The following AIRIM variants were observed in gnomAD, a reference collection of about 807,000 sequenced individuals.
AIRIM encodes the protein AFG2-interacting ribosome maturation factor.
chr1:37,682,345 T>C, the AIRIM span: 1 of 152,472 alleles, frequency 6.6e-6, no homozygotes, highest in Non-Finnish European at 1.5e-5. Flanking sequence ...CTTGGAAATG[T>C]AACCCCGATG....
the AIRIM span, chr1:37,681,634 T>C: frequency 6.6e-6 from 1 of 152,232 alleles, no homozygotes; most frequent in Non-Finnish European, 1.5e-5. Flanking sequence ...GAAAAATAAA[T>C]ACACATTATT....
the AIRIM span, chr1:37,690,163 C>A: frequency 1.7e-6 from 2 of 1,158,852 alleles, no homozygotes; most frequent in East Asian, 3.8e-5. Context: ...AATACAGGTG[C>A]CCGCCAACAC....
At chr1:37,686,476 G>A in the AIRIM span, 2 of 1,606,012 alleles carry the variant, frequency 1.2e-6, no homozygotes, top group Non-Finnish European at 1.7e-6. Context: ...TCTGACATTA[G>A]GCAATATCAT....
chr1:37,690,344 C>G, the AIRIM span: 1 of 1,290,210 alleles, frequency 7.8e-7, no homozygotes, highest in South Asian at 1.2e-5. Flanking sequence ...CTGGATAGGG[C>G]AGTCTCCTGC....
chr1:37,690,454 A>G, the AIRIM span: 3 of 1,263,526 alleles, frequency 2.4e-6, no homozygotes, highest in Non-Finnish European at 3.1e-6. Flanking sequence ...AAAGCGGAAA[A>G]ACTTAAAAGT....
At chr1:37,691,893 C>G in the AIRIM span, 1 of 152,496 alleles carries the variant, frequency 6.6e-6, no homozygotes, top group Non-Finnish European at 1.5e-5. Context: ...GTTCCCCCCA[C>G]TCGCTGCCCA....
the AIRIM span, among the ~76,000 whole-genome samples, chr1:37,685,356 C>T: frequency 6.6e-6 from 1 of 150,512 alleles, no homozygotes. Flanking sequence ...ACTATAGCTG[C>T]ACACCATCAT....
the AIRIM span, chr1:37,683,521 C>T: frequency 0.26 from 380,802 of 1,482,908 alleles, 52,013 homozygotes; most frequent in African/African-American, 0.4. Context: ...CAGAGGGAGC[C>T]ATAAAAGTGA....
the AIRIM span, among the ~76,000 whole-genome samples, chr1:37,686,721 G>A: frequency 6.6e-6 from 1 of 152,158 alleles, no homozygotes; most frequent in African/African-American, 2.4e-5. Flanking sequence ...CTCCAATTGA[G>A]ACCACTGGTC....
chr1:37,687,965 C>T, the AIRIM span, among the ~76,000 whole-genome samples: 2 of 151,688 alleles, frequency 1.3e-5, no homozygotes, highest in Non-Finnish European at 2.9e-5. Context: ...TCAAGCGATC[C>T]TCCTGCCTCA....
the AIRIM span, among the ~76,000 whole-genome samples, chr1:37,685,500 C>G: frequency 1.3e-5 from 2 of 152,078 alleles, no homozygotes; most frequent in Non-Finnish European, 2.9e-5. Flanking sequence ...CCAGCTTCAC[C>G]CTCCCGAGTA....
At chr1:37,682,971 G>A in the AIRIM span, 535 of 763,610 alleles carry the variant, frequency 7.0e-4, no homozygotes, top group Non-Finnish European at 1.1e-3. Context: ...ACATCTAGGC[G>A]CTAATCCTCC....
At chr1:37,688,434 T>C in the AIRIM span, among the ~76,000 whole-genome samples, 1 of 151,958 alleles carries the variant, frequency 6.6e-6, no homozygotes, top group Non-Finnish European at 1.5e-5. Context: ...TAATATCACT[T>C]CCTCCCCAGA....
chr1:37,689,201 A>G, the AIRIM span, among the ~76,000 whole-genome samples: 80,127 of 152,008 alleles, frequency 0.53, 21,768 homozygotes, highest in East Asian at 0.72. Context: ...CTACCTGCAT[A>G]GAATTAAGTG....
At chr1:37,682,317 T>C in the AIRIM span, 2 of 152,240 alleles carry the variant, frequency 1.3e-5, no homozygotes, top group Admixed American at 6.6e-5. Context: ...GGCCATTACA[T>C]AGATGAAGGC....
the AIRIM span, chr1:37,682,832 CTA>C: frequency 2.8e-6 from 1 of 351,994 alleles, no homozygotes; most frequent in Non-Finnish European, 5.2e-6. Flanking sequence ...AGGAAAGACA[CTA>C]TGTTCTTCAG....
the AIRIM span, chr1:37,682,633 TTC>T: frequency 6.5e-6 from 1 of 153,156 alleles, no homozygotes; most frequent in African/African-American, 2.4e-5. Flanking sequence ...AAAATATATT[TTC>T]TGTCAAAATC....
At chr1:37,686,298 C>A in the AIRIM span, 1 of 1,613,758 alleles carries the variant, frequency 6.2e-7, no homozygotes, top group Non-Finnish European at 8.5e-7. Context: ...CTCTCAATAT[C>A]CTGCAACCAT....
At chr1:37,683,520 C>A in the AIRIM span, 1 of 1,499,866 alleles carries the variant, frequency 6.7e-7, no homozygotes, top group South Asian at 1.3e-5. Context: ...CCAGAGGGAG[C>A]CATAAAAGTG....
Sources: gnomAD v4.1 joint callset for allele counts (sites outside exome capture counted in the v4.1 genomes callset) on GRCh38, gnomAD v4.1.1 for gene constraint, MANE v1.5 for transcripts, NCBI Gene and HGNC (gene_info 2026-07-23, HGNC 2026-07-21) for gene names.